Variants in RDX observed in about 807,000 individuals in gnomAD.
RDX encodes the protein radixin, also known as deafness, autosomal recessive 24.
RDX carries 32 observed loss-of-function variants against 83.7 expected under a neutral mutation model. The observed-to-expected ratio is 0.38, with a 90% CI of 0.29 to 0.51. The LOEUF is 0.51. Among genes scored for constraint, RDX ranks in the 20% least tolerant of loss-of-function variants. RDX has a pLI of 0.87. For missense variants in RDX, 600 were observed against 689.9 expected (o/e 0.87, Z 1.46); for synonymous variants, 229 against 222.7 (o/e 1.03, Z -0.25).
chr11:110,241,715 T>C (rs889280781), intron 10 of RDX, among the ~76,000 whole-genome samples: 15 of 152,216 alleles, frequency 9.9e-5, no homozygotes, highest in African/African-American at 3.1e-4. Context: ...GAATTGAAAG[T>C]AGGGTCTCAA....
intron 15 of RDX, among the ~76,000 whole-genome samples, chr11:110,188,483 T>C (rs540982170): frequency 6.9e-4 from 105 of 151,988 alleles, no homozygotes; most frequent in African/African-American, 2.4e-3. Context: ...ATAAGAATGA[T>C]ACAATGGACT....
At chr11:110,242,361 G>C (rs1047996738) in intron 10 of RDX, among the ~76,000 whole-genome samples, 11 of 151,320 alleles carry the variant, frequency 7.3e-5, no homozygotes, top group African/African-American at 2.2e-4. Context: ...TTGAACCCGG[G>C]AGGCAGAGGT....
chr11:110,273,522 C>T (rs912440086), intron 2 of RDX, among the ~76,000 whole-genome samples: 1 of 152,202 alleles, frequency 6.6e-6, no homozygotes, highest in Admixed American at 6.5e-5. Context: ...CAAACCTATA[C>T]TCCCACCTCA....
At chr11:110,255,513 A>C in intron 7 of RDX, 128 bp from the exon 8 acceptor site, 1 of 652,452 alleles carries the variant, frequency 1.5e-6, no homozygotes, top group Non-Finnish European at 2.8e-6. Flanking sequence ...TAACTTATTC[A>C]TAACTACAGT....
intron 14 of RDX, among the ~76,000 whole-genome samples, chr11:110,221,510 A>T (rs1352415152): frequency 6.6e-6 from 1 of 151,914 alleles, no homozygotes; most frequent in Non-Finnish European, 1.5e-5. Context: ...AGGCAGAAGG[A>T]TCGCTTGAAC....
At chr11:110,256,804 C>G (rs1229643222) in intron 7 of RDX, among the ~76,000 whole-genome samples, 1 of 152,188 alleles carries the variant, frequency 6.6e-6, no homozygotes, top group African/African-American at 2.4e-5. Flanking sequence ...AACCTTCTAA[C>G]TTGCTTTGTA....
chr11:110,272,667 C>A (rs750954109), intron 2 of RDX, 48 bp from the exon 3 acceptor site: 6 of 1,249,820 alleles, frequency 4.8e-6, no homozygotes, highest in Middle Eastern at 2.3e-4. Context: ...AGTTATTAGG[C>A]GTGAGAAAAC....
chr11:110,200,112 G>A (rs962496884), intron 14 of RDX, among the ~76,000 whole-genome samples: 3 of 152,078 alleles, frequency 2.0e-5, no homozygotes, highest in Admixed American at 6.5e-5. Context: ...GATTAACCGA[G>A]GCATTGTTAA....
intron 14 of RDX, among the ~76,000 whole-genome samples, chr11:110,204,233 T>G (rs1356104371): frequency 6.7e-6 from 1 of 148,278 alleles, no homozygotes; most frequent in South Asian, 2.1e-4. Context: ...ACGGTGAGAA[T>G]GAAACAAGGT....
chr11:110,181,386 T>A (rs1862884238), intron 15 of RDX, among the ~76,000 whole-genome samples: 1 of 152,052 alleles, frequency 6.6e-6, no homozygotes, highest in Non-Finnish European at 1.5e-5. Flanking sequence ...CTGGTCTTGA[T>A]CTCCTGACCT....
chr11:110,206,134 G>A lies in RDX; in HGVS notation c.1749-6456C>T, dbSNP rs200145838. Among the ~76,000 whole-genome samples, 16 of 151,492 alleles carry A rather than the reference G, an allele frequency of 1.1e-4. No homozygotes were observed. In the East Asian group the frequency reaches 1.6e-3, roughly 15 times the overall value. On this transcript the variant is annotated intron_variant, in intron 14 of 15. Transcript: ENST00000528498. The stretch of plus-strand genomic sequence containing the variant: ...TAGCTGGGTGTGGTGGTGGGTCCCC[G>A]TAATCCCAGCTGCTTGGGAGGCTGC...
At chr11:110,232,906 C>T (rs1335375452) in intron 13 of RDX, among the ~76,000 whole-genome samples, 3 of 152,198 alleles carry the variant, frequency 2.0e-5, no homozygotes, top group African/African-American at 7.2e-5. Flanking sequence ...TGAGCCACTG[C>T]GCCTGGCCCT....
At chr11:110,236,038 T>C in intron 12 of RDX, 61 bp downstream of exon 12, 1 of 1,171,556 alleles carries the variant, frequency 8.5e-7, no homozygotes, top group Non-Finnish European at 1.3e-6. Context: ...CACTACAAAG[T>C]CAGCATAATC....
exon 16 of RDX, chr11:110,175,010 G>A (rs1862741995): frequency 6.6e-6 from 1 of 152,266 alleles, no homozygotes; most frequent in African/African-American, 2.4e-5. Flanking sequence ...CGACAATGAT[G>A]TCACTTGGAT....
chr11:110,236,423 C>T (rs1864852808), intron 11 of RDX: 2 of 435,478 alleles, frequency 4.6e-6, no homozygotes, highest in Non-Finnish European at 8.2e-6. Context: ...CTAGTTAATC[C>T]TGCTTTCAGT....
chr11:110,233,384 A>G lies in RDX; in HGVS notation c.1440T>C (p.Pro480=), dbSNP rs1483856623. The stretch of plus-strand genomic sequence containing the variant: ...GTTCATCATGTTCGTTTTCTGTTGG[A>G]GGAATGACTGGTGGTGGTGGAGGTG... ...PPPPPPPPVI[P]PTENEHDEHD... is the part of the protein sequence containing the mutation. The change falls in exon 13 of 14, where the codon CCT becomes CCC. Residue 480 remains proline (P), a synonymous_variant. Coordinates refer to ENST00000645495, the MANE Select transcript of RDX (RefSeq NM_002906.4). 1.2e-6 allele frequency: 2 copies of G among 1,614,112 alleles called. No homozygotes were observed. Among genetic ancestry groups the G allele is most frequent in the East Asian group, 4.5e-5 (2 of 44,886 alleles).
At chr11:110,184,897 G>A (rs7124422) in intron 15 of RDX, among the ~76,000 whole-genome samples, 2,726 of 152,268 alleles carry the variant, frequency 0.018, 89 homozygotes, top group African/African-American at 0.062. Context: ...AGTTTGAGAC[G>A]GTGCTGACCT....
intron 15 of RDX, among the ~76,000 whole-genome samples, chr11:110,186,337 T>C (rs1290430390): frequency 6.6e-6 from 1 of 152,120 alleles, no homozygotes; most frequent in Admixed American, 6.5e-5. Context: ...GTATGTTCTG[T>C]TTCCTCAGAA....
chr11:110,198,572 C>T (rs530266622), intron 15 of RDX, among the ~76,000 whole-genome samples: 1 of 152,272 alleles, frequency 6.6e-6, no homozygotes, highest in South Asian at 2.1e-4. Flanking sequence ...CTCAAAGGAG[C>T]GAACCCTATT....
Sources: gnomAD v4.1 joint callset for allele counts (sites outside exome capture counted in the v4.1 genomes callset) on GRCh38, gnomAD v4.1.1 for gene constraint, MANE v1.5 for transcripts, NCBI Gene and HGNC (gene_info 2026-07-23, HGNC 2026-07-21) for gene names.